PVR: variants seen among roughly 807,000 people sequenced by gnomAD.
The protein encoded by PVR is PVR cell adhesion molecule, also known as poliovirus receptor.
In PVR, 39 loss-of-function variants were observed where a neutral mutation model predicts 43.3. The ratio of observed to expected loss-of-function variants is 0.90; its 90% CI spans 0.70 to 1.18. The LOEUF (loss-of-function observed/expected upper bound fraction) is 1.18, where lower values mean the gene tolerates loss of function less well. Ranked by LOEUF, PVR falls within the 50% of genes most tolerant of loss-of-function variation. The probability of loss-of-function intolerance (pLI) is 0.00; values close to 1 mark genes in which losing one functional copy is unlikely to be tolerated. For missense variants in PVR, 480 were observed against 549.7 expected, an observed-to-expected ratio of 0.87 and a Z score of 1.27; for synonymous variants, 224 against 233.2, an observed-to-expected ratio of 0.96 and a Z score of 0.36.
In PVR at chr19:44,645,413, G is replaced by GTA. The variant is rs1278079157; in HGVS notation, c.79+1239_79+1240insAT. On this transcript the variant is annotated intron_variant, in intron 1 of 7. Transcript: ENST00000425690. Reference sequence around the variant, plus strand: ...ATTTTATTATTTATTTATATGTTTTGTGTATATATATATATATATATATAT... The same window carrying GTA: ...ATTTTATTATTTATTTATATGTTTTGTATGTATATATATATATATATATATAT... Among the ~76,000 whole-genome samples, 25 of 52,088 alleles carry GTA rather than the reference G, an allele frequency of 4.8e-4. 1 individual carries two copies. The highest frequency in any genetic ancestry group is 2.1e-3 in the African/African-American group (23 of 11,090). 34.2% of individuals were successfully genotyped at this position (52,088 alleles called of 152,430 possible).
Position 44,656,341 on chromosome 19 carries a change from C to G in PVR, c.843-1421C>G, listed in dbSNP as rs185818231. 2.8e-3 allele frequency among the ~76,000 whole-genome samples: 424 copies of G among 152,304 alleles called. 3 individuals are homozygous for G. The highest frequency in any genetic ancestry group is 9.8e-3 in the African/African-American group (409 of 41,558). ...GTTGTCCGTGGAAGGAATTGCCGGT[C>G]AAAGGTTTTCAACTGGTGTGATGGT... On this transcript the variant is annotated intron_variant, in intron 4 of 7. Transcript: ENST00000425690.
In PVR at chr19:44,643,971, G is replaced by C; in HGVS notation, c.-126G>C. The C allele has an allele frequency of 1.5e-6, 1 of 682,430 alleles. No homozygotes were observed. Among genetic ancestry groups the C allele is most frequent in the Non-Finnish European group, 2.3e-6 (1 of 429,642 alleles). The allele number at this position is 682,430 out of a possible 1,614,324, so 42.3% of individuals were successfully genotyped here. On this transcript the variant is annotated 5_prime_UTR_variant, in exon 1 of 8. Coordinates refer to ENST00000425690, the MANE Select transcript of PVR (RefSeq NM_006505.5). ...CCTTCCCACCCCAGGCACTGGAGGA[G>C]CGGCCCCCCGGGGATTCCAGGACCT...
intron 4 of PVR, among the ~76,000 whole-genome samples, chr19:44,656,459 G>A (rs1599770842): frequency 6.6e-6 from 1 of 152,190 alleles, no homozygotes; most frequent in Non-Finnish European, 1.5e-5. Context: ...CCCAAAGCCT[G>A]ATGCTTCCAT....
chr19:44,644,259 C>T, intron 1 of PVR, 84 bp downstream of exon 1: 1 of 1,081,504 alleles, frequency 9.2e-7, no homozygotes, highest in Non-Finnish European at 1.3e-6. Flanking sequence ...CTTGGGTTCC[C>T]GAAGATGACG....
At chr19:44,647,153 C>G (rs1973143764) in intron 1 of PVR, 70 bp from the exon 2 acceptor site, 2 of 1,196,220 alleles carry the variant, frequency 1.7e-6, no homozygotes, top group Non-Finnish European at 2.2e-6. Flanking sequence ...GGTGCCCGGG[C>G]TCCTGGAGCC....
chr19:44,648,326 A>G (rs1459313673), intron 2 of PVR, among the ~76,000 whole-genome samples: 1 of 152,176 alleles, frequency 6.6e-6, no homozygotes, highest in Non-Finnish European at 1.5e-5. Flanking sequence ...ACAGACAGAC[A>G]GGAAAGCAAG....
At position 44,645,133 on chromosome 19, in the gene PVR, ATTATATATAT is replaced by A. The variant is rs1457363626; in HGVS notation, c.79+960_79+969del. Among the ~76,000 whole-genome samples, 10 of 70,776 alleles carry A rather than the reference ATTATATATAT, an allele frequency of 1.4e-4. 1 individual carries two copies. Among genetic ancestry groups the A allele is most frequent in the Admixed American group, 4.8e-4 (2 of 4,124 alleles). 46.4% of individuals were successfully genotyped at this position (70,776 alleles called of 152,430 possible). A position where few individuals can be genotyped will look rare whatever the true frequency, so the allele number is the denominator to read the frequency against. Reference sequence around the variant, plus strand: ...AGTAATATATAATATATTATAATATATTATATATATTATTATAATATATAATATGTATATT... The same window carrying A: ...AGTAATATATAATATATTATAATATATATTATAATATATAATATGTATATT... On this transcript the variant is annotated intron_variant, in intron 1 of 7. Coordinates refer to ENST00000425690, the MANE Select transcript of PVR (RefSeq NM_006505.5).
At position 44,643,977 on chromosome 19, in the gene PVR, C is replaced by A; in HGVS notation, c.-120C>A. The A allele has an allele frequency of 2.7e-6, 2 of 730,518 alleles. No individual in the cohort carries two copies. The highest frequency in any genetic ancestry group is 4.2e-6 in the Non-Finnish European group (2 of 471,674). The allele number at this position is 730,518 out of a possible 1,614,324, so 45.3% of individuals were successfully genotyped here. On this transcript the variant is annotated 5_prime_UTR_variant, in exon 1 of 8. Coordinates refer to ENST00000425690, the MANE Select transcript of PVR (RefSeq NM_006505.5). ...CACCCCAGGCACTGGAGGAGCGGCC[C>A]CCCGGGGATTCCAGGACCTGAGCTC...
chr19:44,656,294 C>A (rs1973443602), intron 4 of PVR, among the ~76,000 whole-genome samples: 1 of 152,184 alleles, frequency 6.6e-6, no homozygotes, highest in Non-Finnish European at 1.5e-5. Flanking sequence ...TGGTGTCCAT[C>A]CCCACTGGTC....
chr19:44,648,026 C>T (rs1427372720), intron 2 of PVR, among the ~76,000 whole-genome samples: 2 of 152,152 alleles, frequency 1.3e-5, no homozygotes, highest in Non-Finnish European at 2.9e-5. Context: ...ACTGTGTACC[C>T]ATGAGGGCAG....
At position 44,653,905 on chromosome 19, in the gene PVR, C is replaced by G. The variant is rs755943073; in HGVS notation, c.730C>G (p.Pro244Ala). The change falls in exon 4 of 8, where the codon CCA becomes GCA. Residue 244 changes from proline to alanine, a missense_variant. Pro to Ala is a conservative substitution (Grantham distance 27). Transcript: ENST00000425690. ...LTVNLTVYYP[P>A]EVSISGYDNN... ...TCTGTATCCATTTCCTGCAGACCCC[C>G]CAGAGGTATCCATCTCTGGCTATGA... 2 of 1,611,576 alleles carry G rather than the reference C, an allele frequency of 1.2e-6. No individual in the cohort carries two copies. The highest frequency in any genetic ancestry group is 4.5e-5 in the East Asian group (2 of 44,856).
intron 4 of PVR, among the ~76,000 whole-genome samples, chr19:44,656,829 C>T (rs370037964): frequency 3.9e-5 from 6 of 151,976 alleles, no homozygotes; most frequent in African/African-American, 1.4e-4. Context: ...AAAAATTGGC[C>T]GGGTGTGGTG....
chr19:44,652,375 T>C (rs1042025374), intron 3 of PVR, among the ~76,000 whole-genome samples: 13 of 151,614 alleles, frequency 8.6e-5, no homozygotes, highest in African/African-American at 2.9e-4. Context: ...ATTTTTGTTT[T>C]TGTTTTTGTT....
At chr19:44,652,469 C>T (rs757984126) in intron 3 of PVR, among the ~76,000 whole-genome samples, 4 of 152,138 alleles carry the variant, frequency 2.6e-5, no homozygotes, top group Non-Finnish European at 5.9e-5. Context: ...CTGCAGCCTC[C>T]GCCTCTCGGG....
intron 4 of PVR, among the ~76,000 whole-genome samples, chr19:44,655,198 C>G (rs1479720987): frequency 3.3e-5 from 5 of 152,134 alleles, no homozygotes; most frequent in Non-Finnish European, 7.3e-5. Context: ...GATCCTCCCA[C>G]CTCAGCCTCC....
At position 44,647,587 on chromosome 19, in the gene PVR, G is replaced by T; in HGVS notation, c.427+17G>T. The T allele has an allele frequency of 1.3e-6, 2 of 1,589,694 alleles. No homozygotes were observed. Among genetic ancestry groups the T allele is most frequent in the South Asian group, 1.1e-5 (1 of 87,534 alleles). ...GAGTGCTTGGTGAGCAGGGGGTTTTGGGGAGGCTGAATGAAAGGCAGAGAC... is the reference window on the plus strand; with the variant it reads ...GAGTGCTTGGTGAGCAGGGGGTTTTTGGGAGGCTGAATGAAAGGCAGAGAC... On this transcript the variant is annotated intron_variant, in intron 2 of 7. Coordinates refer to ENST00000425690, the MANE Select transcript of PVR (RefSeq NM_006505.5).
intron 4 of PVR, among the ~76,000 whole-genome samples, chr19:44,655,607 C>T (rs1434616712): frequency 3.3e-5 from 5 of 152,226 alleles, no homozygotes; most frequent in African/African-American, 1.2e-4. Flanking sequence ...TGAACCTTTT[C>T]GTCTGTCTTG....
intron 6 of PVR, 40 bp downstream of exon 6, chr19:44,658,940 C>T (rs760397994): frequency 2.4e-5 from 38 of 1,591,512 alleles, no homozygotes; most frequent in Middle Eastern, 1.8e-4. Flanking sequence ...GCACCTACTA[C>T]GGGCTCTGTG....
At chr19:44,654,252 T>A (rs1973373549) in intron 4 of PVR, among the ~76,000 whole-genome samples, 1 of 112,178 alleles carries the variant, frequency 8.9e-6, no homozygotes, top group African/African-American at 6.0e-5. Flanking sequence ...CCCCTGGGTC[T>A]GAGGGAGGAG....
Sources: allele counts gnomAD v4.1 joint callset (sites outside exome capture counted in the v4.1 genomes callset), GRCh38; gene constraint gnomAD v4.1.1; transcripts MANE v1.5; gene names NCBI Gene and HGNC (gene_info 2026-07-23, HGNC 2026-07-21).